The following KIR2DL4 variants were observed in gnomAD, a reference collection of about 807,000 sequenced individuals.
The protein encoded by KIR2DL4 is killer cell immunoglobulin-like receptor 2DL4.
In KIR2DL4, 41 loss-of-function variants were observed where a neutral mutation model predicts 31.0. The ratio of observed to expected loss-of-function variants is 1.32; its 90% confidence interval spans 1.03 to 1.72. KIR2DL4 has a LOEUF of 1.72. Ranked by LOEUF, KIR2DL4 falls within the 40% of genes most tolerant of loss-of-function variation. The pLI is 0.00. For synonymous variants in KIR2DL4, 164 were observed against 133.6 expected (o/e 1.23, Z -1.57); for missense variants, 438 against 353.7 (o/e 1.24, Z -1.91).
chr19:54,804,809 C>T (rs2060399433), exon 3 of KIR2DL4: 3 of 1,612,206 alleles, frequency 1.9e-6, no homozygotes, highest in Non-Finnish European at 2.5e-6. Flanking sequence ...AGGACAAGCC[C>T]TTCTGCTCTG....
chr19:54,813,820 C>T, intron 7 of KIR2DL4, 22 bp from the exon 7 acceptor site: 1 of 1,612,260 alleles, frequency 6.2e-7, no homozygotes, highest in Non-Finnish European at 8.5e-7. Context: ...CCCTCCCTCA[C>T]TCAGGATTTC....
chr19:54,804,924 G>A (rs375455509), exon 3 of KIR2DL4: 14 of 1,612,298 alleles, frequency 8.7e-6, no homozygotes, highest in Non-Finnish European at 1.2e-5. Context: ...TGGGGTCCCT[G>A]TCCCTGAGCT....
At chr19:54,806,665 T>A (rs1283018722) in intron 4 of KIR2DL4, among the ~76,000 whole-genome samples, 1 of 151,268 alleles carries the variant, frequency 6.6e-6, no homozygotes, top group Non-Finnish European at 1.5e-5. Context: ...AATATACCTA[T>A]ATAATTTATC....
chr19:54,806,390 G>C lies in KIR2DL4; in HGVS notation c.655+146G>C, dbSNP rs2060532321. The C allele has an allele frequency of 5.3e-6, 5 of 948,054 alleles. No homozygotes were observed. The South Asian group carries it at 6.4e-5, about 12-fold the overall frequency. The allele number at this position is 948,054 out of a possible 1,614,324, so 58.7% of individuals were successfully genotyped here. On this transcript the variant is annotated intron_variant, in intron 4 of 7. Transcript: ENST00000359085. ...GGTGGGATCAGGGCACAGGATGGCA[G>C]ACAGGGCACCTCCAAACCCTCCTGC... is the stretch of plus-strand genomic sequence containing the variant.
chr19:54,812,699 GA>G (rs2060934442), intron 5 of KIR2DL4, among the ~76,000 whole-genome samples: 1 of 149,814 alleles, frequency 6.7e-6, no homozygotes, highest in Non-Finnish European at 1.5e-5. Flanking sequence ...CATGGCAAGA[GA>G]GGGAGAAAGG....
chr19:54,809,863 G>A (rs1343582418), intron 5 of KIR2DL4, among the ~76,000 whole-genome samples: 1 of 150,828 alleles, frequency 6.6e-6, no homozygotes, highest in Non-Finnish European at 1.5e-5. Flanking sequence ...ATTAGCAACC[G>A]TAATTCCATC....
rs2060397115 is a variant in KIR2DL4 at position 54,804,789 on chromosome 19, C to A, written c.77-4C>A. The A allele has an allele frequency of 2.5e-6, 4 of 1,611,010 alleles. No individual in the cohort carries two copies. ...CTCTGAGGCGGCATCTCCTTCTCCC[C>A]AAGGTGGTCAGGACAAGCCCTTCTG... On this transcript the variant is annotated splice_region_variant and splice_polypyrimidine_tract_variant and intron_variant, in intron 2 of 7. Coordinates refer to ENST00000359085, the Ensembl canonical transcript of KIR2DL4.
rs564536710 is a variant in KIR2DL4, at chr19:54,804,604, C to G, written c.77-189C>G. Among the ~76,000 whole-genome samples the G allele has an allele frequency of 9.2e-4, 139 of 150,914 alleles. 4 individuals are homozygous for G. In the Middle Eastern group the frequency reaches 0.01, roughly 11 times the overall value. ...AAGAGTCCCTTACTCAGCACCTGCTCAGTTCTCAACTGACACTTTTGTTGT... is the reference window on the plus strand; with the variant it reads ...AAGAGTCCCTTACTCAGCACCTGCTGAGTTCTCAACTGACACTTTTGTTGT... On this transcript the variant is annotated intron_variant, in intron 2 of 7. Transcript: ENST00000359085.
At chr19:54,813,620 G>C in intron 6 of KIR2DL4, 70 bp from the exon 6 acceptor site, 1 of 1,492,292 alleles carries the variant, frequency 6.7e-7, no homozygotes, top group Non-Finnish European at 9.3e-7. Context: ...CCTGTGTGTT[G>C]GTATCTGTTC....
At position 54,812,269 on chromosome 19, in the gene KIR2DL4, G is replaced by C. The variant is rs1219194646; in HGVS notation, c.707-856G>C. 7.3e-5 allele frequency among the ~76,000 whole-genome samples: 11 copies of C among 151,372 alleles called. 1 individual carries two copies. The South Asian group carries it at 1.1e-3, about 15-fold the overall frequency. ...TGACAACAGAAACCTTCCTTTCAGGGTGAGCCAGTCCCTCAAGGCTCAGAA... is the reference window on the plus strand; with the variant it reads ...TGACAACAGAAACCTTCCTTTCAGGCTGAGCCAGTCCCTCAAGGCTCAGAA... On this transcript the variant is annotated intron_variant, in intron 5 of 7. Transcript: ENST00000359085.
intron 5 of KIR2DL4, among the ~76,000 whole-genome samples, chr19:54,811,535 G>T (rs762989284): frequency 6.6e-6 from 1 of 150,776 alleles, no homozygotes. Context: ...AAAATCAGGC[G>T]AAAACATCTT....
intron 5 of KIR2DL4, among the ~76,000 whole-genome samples, chr19:54,812,713 G>T (rs2147974696): frequency 6.7e-6 from 1 of 149,348 alleles, no homozygotes; most frequent in East Asian, 2.0e-4. Context: ...GAGAAAGGGG[G>T]TGTGATGGAG....
At chr19:54,806,667 T>C (rs1224455552) in intron 4 of KIR2DL4, among the ~76,000 whole-genome samples, 2 of 151,394 alleles carry the variant, frequency 1.3e-5, no homozygotes, top group African/African-American at 2.4e-5. Context: ...TATACCTATA[T>C]AATTTATCAA....
exon 8 of KIR2DL4, chr19:54,814,382 G>C (rs1321173512): frequency 2.1e-6 from 1 of 475,302 alleles, no homozygotes; most frequent in East Asian, 4.1e-5. Flanking sequence ...ACTTAGACAC[G>C]TGCTGTTCCA....
rs1188375461 is a variant in KIR2DL4 at position 54,803,914 on chromosome 19, T to TCCAA, written c.64_65insCCAA (p.Trp22SerfsTer38). 200 of 1,609,722 alleles carry TCCAA rather than the reference T, an allele frequency of 1.2e-4. 2 individuals carry two copies. Among genetic ancestry groups the TCCAA allele is most frequent in the Non-Finnish European group, 1.6e-4 (191 of 1,178,736 alleles). ...AGGGTTCTTCTTGGACCAGAGTGTG[T>TCCAA]GGGCACACGTGGGTGAGTCCTTCCC... On this transcript the variant is annotated frameshift_variant, in exon 2 of 8. Transcript: ENST00000359085. LOFTEE classifies it high-confidence loss of function.
In KIR2DL4 at chr19:54,813,561, T is replaced by G. The variant is rs528239645; in HGVS notation, c.811-129T>G. 5.8e-5 allele frequency: 55 copies of G among 942,034 alleles called. 2 individuals carry two copies. In the East Asian group the frequency reaches 1.2e-3, roughly 21 times the overall value. 58.4% of individuals were successfully genotyped at this position (942,034 alleles called of 1,614,324 possible). ...CTTGCACTCAGAGAGATGGAATGTC[T>G]GAGTCTGGCTGTTGGCAGCTGAGGG... On this transcript the variant is annotated intron_variant, in intron 6 of 7. Coordinates refer to ENST00000359085, the Ensembl canonical transcript of KIR2DL4.
At chr19:54,809,458 G>A (rs1302948259) in intron 5 of KIR2DL4, among the ~76,000 whole-genome samples, 1 of 151,000 alleles carries the variant, frequency 6.6e-6, no homozygotes, top group Non-Finnish European at 1.5e-5. Flanking sequence ...CTTCGTGGAT[G>A]GAAACCACAT....
intron 5 of KIR2DL4, among the ~76,000 whole-genome samples, chr19:54,811,758 C>T (rs1219390214): frequency 6.6e-6 from 1 of 151,244 alleles, no homozygotes; most frequent in Admixed American, 6.6e-5. Context: ...ATCGTAGACT[C>T]AGAGACCAGT....
exon 8 of KIR2DL4, chr19:54,814,291 A>G (rs1391493307): frequency 9.0e-6 from 6 of 668,616 alleles, no homozygotes; most frequent in Non-Finnish European, 1.5e-5. Context: ...TAACTGGCTT[A>G]CTTCCTAGTC....
Sources: allele counts gnomAD v4.1 joint callset (sites outside exome capture counted in the v4.1 genomes callset), GRCh38; gene constraint gnomAD v4.1.1; transcripts MANE v1.5; gene names NCBI Gene and HGNC (gene_info 2026-07-23, HGNC 2026-07-21).